The following TBC1D1 variants were observed in gnomAD, a reference collection of about 807,000 sequenced individuals.
TBC1D1 encodes TBC1 (tre-2/USP6, BUB2, cdc16) domain family, member 1.
In TBC1D1, 89 loss-of-function variants were observed where a neutral mutation model predicts 125.6. That is an observed-to-expected ratio of 0.71 (90% CI 0.60 to 0.85). The LOEUF is 0.85. TBC1D1 is among the 40% of genes least tolerant of loss of function. The pLI, the probability that TBC1D1 is intolerant of heterozygous loss-of-function variation, is 0.00. For missense variants in TBC1D1, 1,377 were observed against 1,469.2 expected, an observed-to-expected ratio of 0.94 and a Z score of 1.03; for synonymous variants, 565 against 564.1, an observed-to-expected ratio of 1.00 and a Z score of -0.02.
At chr4:38,007,622 C>T (rs891705710) in intron 2 of TBC1D1, among the ~76,000 whole-genome samples, 24 of 152,184 alleles carry the variant, frequency 1.6e-4, no homozygotes, top group African/African-American at 4.8e-4. Context: ...TATCCTCAAC[C>T]TCCTTAGTAC....
At chr4:38,116,931 A>C (rs578262404) in intron 16 of TBC1D1, among the ~76,000 whole-genome samples, 1 of 152,240 alleles carries the variant, frequency 6.6e-6, no homozygotes. Context: ...ACCTGTGAAC[A>C]TGGACCACGT....
intron 2 of TBC1D1, among the ~76,000 whole-genome samples, chr4:37,926,717 T>C (rs572152066): frequency 6.6e-6 from 1 of 152,350 alleles, no homozygotes; most frequent in East Asian, 1.9e-4. Flanking sequence ...CTGCCTTCTC[T>C]TTGGCCACTG....
chr4:37,901,059 G>A (rs147215381), intron 1 of TBC1D1, among the ~76,000 whole-genome samples: 1,486 of 136,650 alleles, frequency 0.011, 74 homozygotes, highest in Admixed American at 0.08. Context: ...GCAACAGAGC[G>A]AGACTCTGTC....
At chr4:38,107,577 G>GTTTTTTTTTTTTTTTTTTT (rs3038351) in intron 15 of TBC1D1, among the ~76,000 whole-genome samples, 1 of 53,104 alleles carries the variant, frequency 1.9e-5, no homozygotes, top group Non-Finnish European at 3.1e-5. Flanking sequence ...GTCTAAACAG[G>GTTTTTTTTTTTTTTTTTTT]TTTTTTTTTT....
intron 15 of TBC1D1, among the ~76,000 whole-genome samples, chr4:38,105,213 G>T (rs1040200488): frequency 6.6e-6 from 1 of 152,046 alleles, no homozygotes; most frequent in Admixed American, 6.6e-5. Context: ...CATCATCACC[G>T]TTATCTGCTT....
chr4:37,946,505 G>A (rs956196448), intron 2 of TBC1D1, among the ~76,000 whole-genome samples: 26 of 152,298 alleles, frequency 1.7e-4, no homozygotes, highest in Admixed American at 2.6e-4. Context: ...AAACAGTATC[G>A]TGTGAATCTA....
chr4:37,910,447 G>A (rs1718343768), intron 2 of TBC1D1, among the ~76,000 whole-genome samples: 1 of 152,152 alleles, frequency 6.6e-6, no homozygotes, highest in Non-Finnish European at 1.5e-5. Flanking sequence ...ATGATTACAT[G>A]TTGAAATAAT....
At chr4:38,128,517 G>A (rs1390750411) in intron 18 of TBC1D1, among the ~76,000 whole-genome samples, 2 of 152,184 alleles carry the variant, frequency 1.3e-5, no homozygotes, top group African/African-American at 2.4e-5. Context: ...CAGATGGGGT[G>A]GGGCAGGAAG....
chr4:37,994,523 C>T (rs1737333501), intron 2 of TBC1D1, among the ~76,000 whole-genome samples: 2 of 152,194 alleles, frequency 1.3e-5, no homozygotes, highest in Non-Finnish European at 2.9e-5. Context: ...AGACTACAGA[C>T]GTGAACCACC....
At position 38,096,101 on chromosome 4, in the gene TBC1D1, T is replaced by C. The variant is rs368411967; in HGVS notation, c.2398+11T>C. On this transcript the variant is annotated intron_variant, in intron 14 of 19. Transcript: ENST00000261439. Reference sequence around the variant, plus strand: ...CGGCTGTTGGGCAAGGTAAGCTTCATTGGGAAGCATCTAGTCAACCTCACC... The same window carrying C: ...CGGCTGTTGGGCAAGGTAAGCTTCACTGGGAAGCATCTAGTCAACCTCACC... The C allele has an allele frequency of 2.7e-5, 44 of 1,609,404 alleles. No homozygotes were observed. The highest frequency in any genetic ancestry group is 1.3e-4 in the African/African-American group (10 of 74,666).
intron 2 of TBC1D1, among the ~76,000 whole-genome samples, chr4:37,938,990 G>A (rs1724978334): frequency 6.6e-6 from 1 of 152,208 alleles, no homozygotes; most frequent in Non-Finnish European, 1.5e-5. Flanking sequence ...AAACATACGT[G>A]TGCATGTGTC....
chr4:37,931,563 C>T (rs867398401), intron 2 of TBC1D1, among the ~76,000 whole-genome samples: 10 of 151,796 alleles, frequency 6.6e-5, no homozygotes, highest in East Asian at 1.9e-4. Flanking sequence ...CTGCAACCTC[C>T]GCCTCCCGGG....
chr4:37,944,275 G>T (rs1374643412), intron 2 of TBC1D1, among the ~76,000 whole-genome samples: 1 of 152,152 alleles, frequency 6.6e-6, no homozygotes, highest in Non-Finnish European at 1.5e-5. Flanking sequence ...TAGGCTACTT[G>T]GGGGTCAGGG....
intron 2 of TBC1D1, among the ~76,000 whole-genome samples, chr4:37,979,860 A>G (rs1048449804): frequency 2.6e-5 from 4 of 152,136 alleles, no homozygotes; most frequent in Admixed American, 1.3e-4. Context: ...GCTCACTGCA[A>G]CCTCTGGCTC....
At chr4:38,127,381 C>CTTCTTTT (rs1764828109) in intron 18 of TBC1D1, among the ~76,000 whole-genome samples, 1 of 124,420 alleles carries the variant, frequency 8.0e-6, no homozygotes, top group South Asian at 2.5e-4. Flanking sequence ...TTTCCACTGA[C>CTTCTTTT]TTTTTTTTTT....
chr4:38,071,222 C>T (rs997620606), intron 12 of TBC1D1, among the ~76,000 whole-genome samples: 2 of 152,186 alleles, frequency 1.3e-5, no homozygotes, highest in Non-Finnish European at 2.9e-5. Flanking sequence ...GCCTTGCCAT[C>T]CATGGTCACT....
rs1002468432 is a variant in TBC1D1 at position 37,910,911 on chromosome 4, A to G, written c.417+8399A>G. Among the ~76,000 whole-genome samples, 8 of 151,996 alleles carry G rather than the reference A, an allele frequency of 5.3e-5. 1 individual carries two copies. Among genetic ancestry groups the G allele is most frequent in the African/African-American group, 1.9e-4 (8 of 41,450 alleles). Reference sequence around the variant, plus strand: ...ATCAAACTATCTCATGTACCACACAAATATATATACCTACTATGCACCCAC... The same window carrying G: ...ATCAAACTATCTCATGTACCACACAGATATATATACCTACTATGCACCCAC... On this transcript the variant is annotated intron_variant, in intron 2 of 19. Coordinates refer to ENST00000261439, the MANE Select transcript of TBC1D1 (RefSeq NM_015173.4).
chr4:37,977,421 C>A lies in TBC1D1; in HGVS notation c.418-37088C>A. 9.6e-6 allele frequency: 9 copies of A among 937,148 alleles called. No individual in the cohort carries two copies. The highest frequency in any genetic ancestry group is 1.1e-5 in the Non-Finnish European group (9 of 787,104). 58.1% of individuals were successfully genotyped at this position (937,148 alleles called of 1,614,324 possible). The stretch of plus-strand genomic sequence containing the variant: ...GGCCCCGCCGCTCCCCAAGCCCGCC[C>A]CCGGCCGCCCGCGGGCCCACGGGCC... On this transcript the variant is annotated intron_variant, in intron 2 of 19. Transcript: ENST00000261439. The surrounding 1 kb of genome is among the most constrained non-coding windows in gnomAD (Gnocchi z 4.3).
At position 37,902,941 on chromosome 4, in the gene TBC1D1, GC is replaced by G. The variant is rs1484506831; in HGVS notation, c.417+430del. 2.6e-5 allele frequency among the ~76,000 whole-genome samples: 4 copies of G among 152,216 alleles called. No individual in the cohort carries two copies. In the East Asian group the frequency reaches 7.7e-4, roughly 29 times the overall value. ...TAACAAGCTGCCAAGAAATGCTGAT[GC>G]TGCCCTTTTGCAGGTTGCACTTTGA... On this transcript the variant is annotated intron_variant, in intron 2 of 19. Coordinates refer to ENST00000261439, the MANE Select transcript of TBC1D1 (RefSeq NM_015173.4).
Sources: gnomAD v4.1 joint callset for allele counts (sites outside exome capture counted in the v4.1 genomes callset) on GRCh38, gnomAD v4.1.1 for gene constraint, Gnocchi (gnomAD v3.1) non-coding constraint, MANE v1.5 for transcripts, NCBI Gene and HGNC (gene_info 2026-07-23, HGNC 2026-07-21) for gene names.